Variants in NT5DC1 observed in about 807,000 individuals in gnomAD.
NT5DC1 encodes 5'-nucleotidase domain containing 1.
NT5DC1 carries 42 observed loss-of-function variants against 59.4 expected under a neutral mutation model. The ratio of observed to expected loss-of-function variants is 0.71; its 90% CI spans 0.55 to 0.92. NT5DC1 has a LOEUF of 0.92. NT5DC1 is among the 40% of genes least tolerant of loss of function. NT5DC1 has a pLI of 0.00. For missense variants in NT5DC1, 501 were observed against 537.1 expected (o/e 0.93, Z 0.66); for synonymous variants, 172 against 188.1 (o/e 0.91, Z 0.70).
intron 3 of NT5DC1, among the ~76,000 whole-genome samples, chr6:116,110,440 C>T (rs189113678): frequency 3.3e-5 from 5 of 152,264 alleles, no homozygotes; most frequent in Middle Eastern, 6.8e-3. Flanking sequence ...CCTATGGGCC[C>T]GATGGACTCA....
At chr6:116,182,721 T>A (rs1246062770) in intron 6 of NT5DC1, among the ~76,000 whole-genome samples, 1 of 151,948 alleles carries the variant, frequency 6.6e-6, no homozygotes, top group Non-Finnish European at 1.5e-5. Flanking sequence ...TAGCCCACTT[T>A]TTGATGTGAT....
At chr6:116,182,046 A>G (rs531832814) in intron 6 of NT5DC1, among the ~76,000 whole-genome samples, 3 of 151,988 alleles carry the variant, frequency 2.0e-5, no homozygotes, top group Non-Finnish European at 2.9e-5. Context: ...CCGCGTCCCC[A>G]AAGTCCAGTG....
At chr6:116,224,090 G>T (rs1781862593) in intron 8 of NT5DC1, among the ~76,000 whole-genome samples, 2 of 152,100 alleles carry the variant, frequency 1.3e-5, no homozygotes, top group African/African-American at 4.8e-5. Context: ...CCTGGGCCAG[G>T]TTGGACTGAT....
intron 6 of NT5DC1, among the ~76,000 whole-genome samples, chr6:116,192,791 T>A (rs1204834): frequency 0.55 from 82,884 of 151,828 alleles, 23,342 homozygotes; most frequent in African/African-American, 0.66. Context: ...TCTATTACGA[T>A]TTCCTCCTGG....
chr6:116,231,642 A>T (rs1048462643), intron 8 of NT5DC1, among the ~76,000 whole-genome samples: 2 of 152,350 alleles, frequency 1.3e-5, no homozygotes, highest in East Asian at 3.9e-4. Flanking sequence ...TCTAGCTCAG[A>T]TTCTGTTTGA....
intron 6 of NT5DC1, among the ~76,000 whole-genome samples, chr6:116,130,229 A>G (rs1042069078): frequency 6.6e-6 from 1 of 152,200 alleles, no homozygotes; most frequent in Non-Finnish European, 1.5e-5. Context: ...CTTTACCAGC[A>G]TTTAGAACAA....
chr6:116,211,344 T>C (rs1465065421), intron 6 of NT5DC1, among the ~76,000 whole-genome samples: 2 of 152,062 alleles, frequency 1.3e-5, no homozygotes, highest in African/African-American at 4.8e-5. Flanking sequence ...TACATTGTTA[T>C]TTTAAGCCAT....
chr6:116,165,828 G>C (rs1780449940), intron 6 of NT5DC1, among the ~76,000 whole-genome samples: 1 of 152,236 alleles, frequency 6.6e-6, no homozygotes, highest in Admixed American at 6.5e-5. Flanking sequence ...AGTCAGAGCA[G>C]GTTCTGGGCT....
intron 6 of NT5DC1, among the ~76,000 whole-genome samples, chr6:116,202,719 A>G (rs1051819481): frequency 1.3e-5 from 2 of 152,040 alleles, no homozygotes; most frequent in African/African-American, 4.8e-5. Flanking sequence ...TGCAGTGTAC[A>G]GTTTCATAAA....
Position 116,110,976 on chromosome 6 carries a change from G to C in NT5DC1, c.364+20G>C, listed in dbSNP as rs762250741. 6.7e-7 allele frequency: 1 copy of C among 1,486,518 alleles called. No individual in the cohort carries two copies. Among genetic ancestry groups the C allele is most frequent in the Non-Finnish European group, 9.4e-7 (1 of 1,063,906 alleles). The allele number at this position is 1,486,518 out of a possible 1,614,324, so 92.1% of individuals were successfully genotyped here. A position where few individuals can be genotyped will look rare whatever the true frequency, so the allele number is the denominator to read the frequency against. On this transcript the variant is annotated intron_variant, in intron 4 of 11. Transcript: ENST00000319550. ...GCTCAGGTATGACTCAAATGAGGCA[G>C]CTCCACCATCCGCTCCCTGTTTGTT...
intron 6 of NT5DC1, chr6:116,121,746 C>T: frequency 6.2e-7 from 1 of 1,613,958 alleles, no homozygotes; most frequent in South Asian, 1.1e-5. Flanking sequence ...CCTTTTGGTC[C>T]ATATGGTCCT....
At chr6:116,122,338 G>A (rs1779155929) in intron 6 of NT5DC1, among the ~76,000 whole-genome samples, 1 of 152,106 alleles carries the variant, frequency 6.6e-6, no homozygotes, top group Admixed American at 6.5e-5. Context: ...AAATGTTTAA[G>A]AACTATAAAA....
At chr6:116,129,609 T>G (rs1483760806) in intron 6 of NT5DC1, among the ~76,000 whole-genome samples, 1 of 152,178 alleles carries the variant, frequency 6.6e-6, no homozygotes, top group Non-Finnish European at 1.5e-5. Context: ...GCATGAACGC[T>G]CTCTCCAGAT....
intron 6 of NT5DC1, chr6:116,120,737 G>A: frequency 6.3e-7 from 1 of 1,591,852 alleles, no homozygotes; most frequent in Non-Finnish European, 8.5e-7. Flanking sequence ...AGGGAATCCT[G>A]GAATGCCTGG....
chr6:116,235,370 G>C (rs906760914), intron 8 of NT5DC1, among the ~76,000 whole-genome samples: 1 of 151,962 alleles, frequency 6.6e-6, no homozygotes, highest in Non-Finnish European at 1.5e-5. Flanking sequence ...ACATGATTTT[G>C]GCTTCCTATC....
At chr6:116,123,237 G>A (rs779535330) in intron 6 of NT5DC1, among the ~76,000 whole-genome samples, 23 of 152,120 alleles carry the variant, frequency 1.5e-4, no homozygotes, top group Non-Finnish European at 2.8e-4. Flanking sequence ...TGCATTGGGC[G>A]TCATCCGAGA....
At chr6:116,237,582 C>A in intron 9 of NT5DC1, 1 of 450,464 alleles carries the variant, frequency 2.2e-6, no homozygotes, top group Non-Finnish European at 4.5e-6. Flanking sequence ...AGCAGTCTGA[C>A]TTGCAGATGC....
intron 6 of NT5DC1, among the ~76,000 whole-genome samples, chr6:116,159,223 T>G (rs1780274770): frequency 6.6e-6 from 1 of 152,188 alleles, no homozygotes; most frequent in African/African-American, 2.4e-5. Flanking sequence ...TTTTATGGAT[T>G]TTTATTCTGC....
At chr6:116,238,125 A>G (rs377012334) in intron 9 of NT5DC1, 62 bp from the exon 10 acceptor site, 3 of 1,274,456 alleles carry the variant, frequency 2.4e-6, no homozygotes, top group East Asian at 2.5e-5. Flanking sequence ...TCTTCCTTAT[A>G]TGAAATAAAT....
Sources: allele counts gnomAD v4.1 joint callset (sites outside exome capture counted in the v4.1 genomes callset), GRCh38; gene constraint gnomAD v4.1.1; transcripts MANE v1.5; gene names NCBI Gene and HGNC (gene_info 2026-07-23, HGNC 2026-07-21).